The following SAMD12 variants were observed in gnomAD, a reference collection of about 807,000 sequenced individuals.
SAMD12 encodes the protein sterile alpha motif domain-containing protein 12.
Under a neutral mutation model 15.0 loss-of-function variants are expected in SAMD12, and 9 were observed. The ratio of observed to expected loss-of-function variants is 0.60; its 90% CI spans 0.36 to 1.05. The LOEUF is 1.05. SAMD12 is among the 50% of genes least tolerant of loss of function. The pLI is 0.01. For synonymous variants in SAMD12, 86 were observed against 90.1 expected (o/e 0.96, Z 0.25); for missense variants, 230 against 234.2 (o/e 0.98, Z 0.12).
Position 118,621,857 on chromosome 8 carries a change from C to A in SAMD12, c.-41G>T, listed in dbSNP as rs377089692. On this transcript the variant is annotated 5_prime_UTR_variant, in exon 1 of 4. Transcript: ENST00000314727. Reference sequence around the variant, plus strand: ...CTAACGCATGCATAATTTTCTTGGCCGAGGTACTCCTCCTGCCCCGCGCTC... The same window carrying A: ...CTAACGCATGCATAATTTTCTTGGCAGAGGTACTCCTCCTGCCCCGCGCTC... 1 of 1,609,300 alleles carries A rather than the reference C, an allele frequency of 6.2e-7. No individual in the cohort carries two copies. The highest frequency in any genetic ancestry group is 8.5e-7 in the Non-Finnish European group (1 of 1,175,734).
At chr8:118,132,522 G>A in the SAMD12 span, among the ~76,000 whole-genome samples, 1 of 152,168 alleles carries the variant, frequency 6.6e-6, no homozygotes, top group Admixed American at 6.5e-5. Context: ...CCCCACAACT[G>A]CTTCATAGTA....
At chr8:118,245,493 A>G (rs1812668157) in intron 4 of SAMD12, among the ~76,000 whole-genome samples, 1 of 152,088 alleles carries the variant, frequency 6.6e-6, no homozygotes, top group Admixed American at 6.6e-5. Flanking sequence ...TGGGAGGTGG[A>G]GATTATTATT....
intron 4 of SAMD12, among the ~76,000 whole-genome samples, chr8:118,349,867 C>T (rs1817868022): frequency 6.6e-6 from 1 of 152,176 alleles, no homozygotes; most frequent in Non-Finnish European, 1.5e-5. Context: ...GTGCCTCACA[C>T]CTGTAATCCC....
At chr8:118,197,931 G>T (rs1329569947) in intron 4 of SAMD12, among the ~76,000 whole-genome samples, 1 of 152,184 alleles carries the variant, frequency 6.6e-6, no homozygotes, top group Admixed American at 6.5e-5. Context: ...CTACCATTTG[G>T]CAAGGCATGG....
chr8:118,463,100 CAAAAAAAAAAAAA>C (rs71292167), intron 2 of SAMD12, among the ~76,000 whole-genome samples: 5 of 63,088 alleles, frequency 7.9e-5, no homozygotes, highest in African/African-American at 3.2e-4. Flanking sequence ...AACTCCGTCT[CAAAAAAAAAAAAA>C]AAAAAAAAAA....
chr8:118,538,751 C>T (rs557564268), intron 2 of SAMD12, among the ~76,000 whole-genome samples: 10 of 152,130 alleles, frequency 6.6e-5, no homozygotes, highest in Non-Finnish European at 1.5e-4. Context: ...TTGGTTCCTA[C>T]GAAGGTGCTC....
chr8:118,176,328 A>G, the SAMD12 span, among the ~76,000 whole-genome samples: 1 of 152,150 alleles, frequency 6.6e-6, no homozygotes, highest in African/African-American at 2.4e-5. Context: ...TATGAAAAAG[A>G]ATATAAATTG....
intron 4 of SAMD12, among the ~76,000 whole-genome samples, chr8:118,298,754 T>C (rs1814861537): frequency 6.6e-6 from 1 of 152,182 alleles, no homozygotes; most frequent in Admixed American, 6.5e-5. Context: ...TTTCAATAAA[T>C]GAAGCATAAA....
At chr8:118,606,106 C>T (rs939635643) in intron 1 of SAMD12, among the ~76,000 whole-genome samples, 5 of 152,064 alleles carry the variant, frequency 3.3e-5, no homozygotes, top group Non-Finnish European at 4.4e-5. Flanking sequence ...ACGAAAGGAA[C>T]TTAAAACTCT....
chr8:118,408,812 C>A (rs1348373425), intron 3 of SAMD12, among the ~76,000 whole-genome samples: 2 of 152,128 alleles, frequency 1.3e-5, no homozygotes, highest in Non-Finnish European at 2.9e-5. Context: ...TCTATGTGGC[C>A]TTTAGCTCAC....
chr8:118,301,980 C>T (rs1815055534), intron 4 of SAMD12, among the ~76,000 whole-genome samples: 1 of 151,208 alleles, frequency 6.6e-6, no homozygotes, highest in Non-Finnish European at 1.5e-5. Flanking sequence ...ATTTAGAAAG[C>T]TCGGGCTAGG....
chr8:118,527,988 C>T (rs1035428555), intron 2 of SAMD12, among the ~76,000 whole-genome samples: 6 of 151,708 alleles, frequency 4.0e-5, no homozygotes, highest in South Asian at 2.1e-4. Flanking sequence ...TTTTTAATCA[C>T]GTGATTTTGG....
chr8:118,145,623 G>A, the SAMD12 span, among the ~76,000 whole-genome samples: 1 of 152,206 alleles, frequency 6.6e-6, no homozygotes, highest in Non-Finnish European at 1.5e-5. Context: ...GAGGCTTATT[G>A]GAGAGTAAGC....
rs17485142 is a variant in SAMD12 at position 118,224,400 on chromosome 8, A to G, written c.434-26668T>C. 4.4e-3 allele frequency among the ~76,000 whole-genome samples: 672 copies of G among 152,362 alleles called. 7 individuals carry two copies. Among genetic ancestry groups the G allele is most frequent in the African/African-American group, 0.016 (649 of 41,582 alleles). Reference sequence around the variant, plus strand: ...TTCCAAATATCTTGACTCCAAAATCATGAATCTCAAATAACAAATACTGGA... The same window carrying G: ...TTCCAAATATCTTGACTCCAAAATCGTGAATCTCAAATAACAAATACTGGA... On this transcript the variant is annotated intron_variant, in intron 4 of 4. Transcript: ENST00000409003.
Position 118,547,434 on chromosome 8 carries a change from A to G in SAMD12, c.192+33281T>C, listed in dbSNP as rs116108407. Among the ~76,000 whole-genome samples, 960 of 152,282 alleles carry G rather than the reference A, an allele frequency of 6.3e-3. 12 individuals are homozygous for G. Among genetic ancestry groups the G allele is most frequent in the African/African-American group, 0.022 (916 of 41,554 alleles). The stretch of plus-strand genomic sequence containing the variant: ...ATACTTCTCTTACTGTAGATAAAGT[A>G]TTGGGTTGTAATTAATCATTTACAC... On this transcript the variant is annotated intron_variant, in intron 2 of 3. Coordinates refer to ENST00000314727, the MANE Select transcript of SAMD12 (RefSeq NM_207506.3).
intron 2 of SAMD12, among the ~76,000 whole-genome samples, chr8:118,553,994 C>T (rs1238014762): frequency 3.3e-5 from 5 of 152,156 alleles, no homozygotes; most frequent in African/African-American, 1.2e-4. Flanking sequence ...TATCATCTCA[C>T]ACCAGTTAGA....
chr8:118,269,568 T>C (rs998537517), intron 4 of SAMD12, among the ~76,000 whole-genome samples: 1 of 152,184 alleles, frequency 6.6e-6, no homozygotes, highest in Non-Finnish European at 1.5e-5. Context: ...TGATAGTCTA[T>C]GGCTGCTTTC....
In SAMD12 at chr8:118,513,512, T is replaced by C. The variant is rs191937021; in HGVS notation, c.192+67203A>G. On this transcript the variant is annotated intron_variant, in intron 2 of 3. Transcript: ENST00000314727. ...CCAACAATCAACAAACCATAAAATA[T>C]GTACATCTTCCTATACACATTAAAG... is the stretch of plus-strand genomic sequence containing the variant. 1.1e-3 allele frequency among the ~76,000 whole-genome samples: 165 copies of C among 152,312 alleles called. 3 individuals are homozygous for C. The East Asian group carries it at 0.022, about 20-fold the overall frequency.
intron 2 of SAMD12, among the ~76,000 whole-genome samples, chr8:118,574,026 T>C (rs1827087645): frequency 6.6e-6 from 1 of 152,202 alleles, no homozygotes; most frequent in African/African-American, 2.4e-5. Flanking sequence ...AACCAAGTGA[T>C]GTCAGAGAAT....
Sources: gnomAD v4.1 joint callset for allele counts (sites outside exome capture counted in the v4.1 genomes callset) on GRCh38, gnomAD v4.1.1 for gene constraint, MANE v1.5 for transcripts, NCBI Gene and HGNC (gene_info 2026-07-23, HGNC 2026-07-21) for gene names.